The following NF2 variants were observed in gnomAD, a reference collection of about 807,000 sequenced individuals.
NF2 encodes the protein merlin.
A neutral mutation model predicts 83.7 loss-of-function variants in NF2; 8 were observed. That is an observed-to-expected ratio of 0.10 (90% CI 0.06 to 0.17). The LOEUF (loss-of-function observed/expected upper bound fraction) is 0.17. Ranked by LOEUF, NF2 falls within the 10% of genes least tolerant of loss-of-function variation. The pLI is 1.00. For missense variants in NF2, 533 were observed against 744.4 expected (o/e 0.72, Z 3.31); for synonymous variants, 266 against 269.6 (o/e 0.99, Z 0.13).
intron 1 of NF2, among the ~76,000 whole-genome samples, chr22:29,630,863 G>A (rs2065491415): frequency 6.6e-6 from 1 of 152,182 alleles, no homozygotes; most frequent in Non-Finnish European, 1.5e-5. Context: ...AACCTGTTGA[G>A]GAAAAATGAT....
intron 4 of NF2, among the ~76,000 whole-genome samples, chr22:29,653,618 ATATC>A (rs2066217394): frequency 6.6e-6 from 1 of 152,198 alleles, no homozygotes; most frequent in Admixed American, 6.5e-5. Context: ...TTAATGATGA[ATATC>A]TTCTTTCACT....
chr22:29,670,312 T>TTTTC (rs147260738), intron 10 of NF2, among the ~76,000 whole-genome samples: 9 of 151,590 alleles, frequency 5.9e-5, no homozygotes, highest in Non-Finnish European at 1.0e-4. Flanking sequence ...TGACTGGGCT[T>TTTTC]TTTCTTTCTT....
At chr22:29,662,388 A>T (rs531102734) in intron 8 of NF2, among the ~76,000 whole-genome samples, 1 of 152,316 alleles carries the variant, frequency 6.6e-6, no homozygotes, top group African/African-American at 2.4e-5. Context: ...TCAGCCTCCC[A>T]AAGTGCTGGA....
intron 1 of NF2, among the ~76,000 whole-genome samples, chr22:29,613,011 T>A (rs2064992975): frequency 6.6e-6 from 1 of 152,006 alleles, no homozygotes; most frequent in Non-Finnish European, 1.5e-5. Context: ...AGGGAATCGC[T>A]TGAACCTGGG....
intron 1 of NF2, among the ~76,000 whole-genome samples, chr22:29,610,580 G>A (rs759347077): frequency 3.8e-4 from 57 of 151,160 alleles, no homozygotes; most frequent in Non-Finnish European, 6.2e-4. Context: ...GAAGTTGGAG[G>A]TTGCAGTGAG....
chr22:29,689,807 T>C (rs1216642589), intron 15 of NF2, among the ~76,000 whole-genome samples: 1 of 152,210 alleles, frequency 6.6e-6, no homozygotes, highest in Non-Finnish European at 1.5e-5. Flanking sequence ...AACAAGATGA[T>C]CACAATGCAG....
intron 13 of NF2, among the ~76,000 whole-genome samples, 189 bp downstream of exon 13, chr22:29,675,130 C>T (rs934990865): frequency 1.3e-5 from 2 of 152,168 alleles, no homozygotes; most frequent in African/African-American, 4.8e-5. Context: ...TGGCTTTGGA[C>T]TAGTTAGTTG....
chr22:29,679,252 T>C (rs2067057488), intron 14 of NF2, among the ~76,000 whole-genome samples: 1 of 152,102 alleles, frequency 6.6e-6, no homozygotes, highest in South Asian at 2.1e-4. Flanking sequence ...TTACCATGGG[T>C]GGTATCCTCA....
In NF2 at chr22:29,636,976, A is replaced by G; in HGVS notation, c.240+100A>G. ...CATCACTGGGGCGCTGTAGCTGTAT[A>G]GTAGAGAAGGGGGCACATTCCTGAA... On this transcript the variant is annotated intron_variant, in intron 2 of 15. Coordinates refer to ENST00000338641, the MANE Select transcript of NF2 (RefSeq NM_000268.4). This position sits in a 1 kb window ranked among gnomAD's most constrained non-coding sequence, Gnocchi z 4.4. 1.3e-6 allele frequency: 2 copies of G among 1,544,468 alleles called. No homozygotes were observed. Among genetic ancestry groups the G allele is most frequent in the Non-Finnish European group, 1.8e-6 (2 of 1,119,474 alleles).
intron 7 of NF2, among the ~76,000 whole-genome samples, chr22:29,660,517 C>T (rs1263159237): frequency 2.0e-5 from 3 of 152,120 alleles, no homozygotes; most frequent in Non-Finnish European, 4.4e-5. Context: ...AATTTTCTTC[C>T]TAGTAGTCCA....
Position 29,642,234 on chromosome 22 carries a change from C to T in NF2, c.396C>T (p.Tyr132=), listed in dbSNP as rs749708226. 1.2e-6 allele frequency: 2 copies of T among 1,614,084 alleles called. No individual in the cohort carries two copies. The highest frequency in any genetic ancestry group is 1.3e-5 in the African/African-American group (1 of 75,054). ...VKKQILDEKI[Y]CPPEASVLLA... ...AGCAGATTTTAGATGAAAAGATCTA[C>T]TGCCCTCCTGAGGCTTCTGTGCTCC... The change falls in exon 4 of 16, where the codon TAC becomes TAT. Residue 132 remains tyrosine (Y), a synonymous_variant. Transcript: ENST00000338641.
rs902303402 is a variant in NF2, at chr22:29,655,767, T to A, written c.599+91T>A. The A allele has an allele frequency of 3.9e-6, 4 of 1,021,008 alleles. No individual in the cohort carries two copies. The African/African-American group carries it at 6.5e-5, about 17-fold the overall frequency. The allele number at this position is 1,021,008 out of a possible 1,614,324, so 63.2% of individuals were successfully genotyped here. ...AACTGCAAAACTAGGACATGCTTGT[T>A]AAACAAAATGCAGTACTGAAGTCTA... On this transcript the variant is annotated intron_variant, in intron 6 of 15. Transcript: ENST00000338641.
intron 4 of NF2, among the ~76,000 whole-genome samples, chr22:29,646,431 T>TCATTTATA (rs1196841302): frequency 6.6e-6 from 1 of 152,202 alleles, no homozygotes; most frequent in Non-Finnish European, 1.5e-5. Flanking sequence ...AAGGCTAGTT[T>TCATTTATA]CATTTATATG....
In NF2 at chr22:29,637,737, T is replaced by C. The variant is rs1434049951; in HGVS notation, c.240+861T>C. Among the ~76,000 whole-genome samples, 9 of 152,134 alleles carry C rather than the reference T, an allele frequency of 5.9e-5. No homozygotes were observed. The East Asian group carries it at 1.7e-3, about 29-fold the overall frequency. On this transcript the variant is annotated intron_variant, in intron 2 of 15. Coordinates refer to ENST00000338641, the MANE Select transcript of NF2 (RefSeq NM_000268.4). ...TGACTCAAAGCTTAAGTGTTCGAATTGTGTTCACATATGTACACAGTAATC... is the reference window on the plus strand; with the variant it reads ...TGACTCAAAGCTTAAGTGTTCGAATCGTGTTCACATATGTACACAGTAATC...
intron 1 of NF2, among the ~76,000 whole-genome samples, chr22:29,611,148 A>T (rs1294949998): frequency 6.6e-6 from 1 of 152,216 alleles, no homozygotes; most frequent in Non-Finnish European, 1.5e-5. Flanking sequence ...TGATAAAAAC[A>T]CTAAATAAAC....
intron 1 of NF2, among the ~76,000 whole-genome samples, chr22:29,608,362 T>G (rs1274522448): frequency 6.7e-6 from 1 of 148,718 alleles, no homozygotes; most frequent in Non-Finnish European, 1.5e-5. Context: ...CACTGCAACC[T>G]CTGCCTCCCT....
chr22:29,684,290 G>C (rs988906823), intron 15 of NF2: 1 of 152,204 alleles, frequency 6.6e-6, no homozygotes, highest in African/African-American at 2.4e-5. Context: ...TCCGCGCTCT[G>C]AGCAGGGCAG....
intron 15 of NF2, among the ~76,000 whole-genome samples, chr22:29,689,230 A>T: frequency 6.7e-6 from 1 of 148,900 alleles, no homozygotes; most frequent in Admixed American, 6.7e-5. Flanking sequence ...TGATCTGGCC[A>T]CTTAGTACAG....
intron 4 of NF2, among the ~76,000 whole-genome samples, chr22:29,645,687 C>T (rs199759070): frequency 1.3e-5 from 2 of 152,246 alleles, no homozygotes; most frequent in East Asian, 1.9e-4. Context: ...CTTTGAAGGG[C>T]TTCCATCTCA....
Sources: allele counts gnomAD v4.1 joint callset (sites outside exome capture counted in the v4.1 genomes callset), GRCh38; gene constraint gnomAD v4.1.1; non-coding constraint Gnocchi (gnomAD v3.1); transcripts MANE v1.5; gene names NCBI Gene and HGNC (gene_info 2026-07-23, HGNC 2026-07-21).